The following RRP12 variants were observed in gnomAD, a reference collection of about 807,000 sequenced individuals.
The protein encoded by RRP12 is RRP12-like protein.
In RRP12, 78 loss-of-function variants were observed where a neutral mutation model predicts 157.3. That is an observed-to-expected ratio of 0.50 (90% CI 0.41 to 0.60). The LOEUF (loss-of-function observed/expected upper bound fraction) is 0.60. RRP12 is among the 20% of genes least tolerant of loss of function. RRP12 has a pLI of 0.00. For missense variants in RRP12, 1,521 were observed against 1,679.9 expected, an observed-to-expected ratio of 0.91 and a Z score of 1.65; for synonymous variants, 726 against 670.9, an observed-to-expected ratio of 1.08 and a Z score of -1.27.
At position 97,366,213 on chromosome 10, in the gene RRP12, G is replaced by A. The variant is rs774617555; in HGVS notation, c.3412C>T (p.Arg1138Trp). Residue 1138 changes from arginine to tryptophan, a missense_variant, in exon 29 of 34, where the codon CGG (arginine) becomes TGG (tryptophan). Arg to Trp is a moderately radical substitution (Grantham distance 101). Coordinates refer to ENST00000370992, the MANE Select transcript of RRP12 (RefSeq NM_015179.4). Reference sequence around the variant, plus strand: ...AAGCCGTGGTCCTTCTTCCTGCCCCGGCCTGGCCCTGGCTGCGTGGCTGGG... The same window carrying A: ...AAGCCGTGGTCCTTCTTCCTGCCCCAGCCTGGCCCTGGCTGCGTGGCTGGG... ...RVLATQPGPGRGRKKDHGFKV... is the reference protein window; with the variant it reads ...RVLATQPGPGWGRKKDHGFKV... The A allele has an allele frequency of 6.8e-6, 11 of 1,611,520 alleles. No homozygotes were observed. The highest frequency in any genetic ancestry group is 3.3e-5 in the South Asian group (3 of 91,064).
rs868205391 is a variant in RRP12, at chr10:97,370,091, A to T, written c.2797+76T>A. ...CCAGGCACCTTTTCCCAGTTCCAGG[A>T]GCCACTTTATCCTGACCTTTTGGGC... On this transcript the variant is annotated intron_variant, in intron 24 of 33. Transcript: ENST00000370992. 1.6e-4 allele frequency: 164 copies of T among 1,016,114 alleles called. No individual in the cohort carries two copies. The Middle Eastern group carries it at 2.7e-3, about 17-fold the overall frequency. 62.9% of individuals were successfully genotyped at this position (1,016,114 alleles called of 1,614,324 possible).
intron 13 of RRP12, 99 bp from the exon 14 acceptor site, chr10:97,379,869 G>A: frequency 8.3e-7 from 1 of 1,201,316 alleles, no homozygotes; most frequent in Non-Finnish European, 1.2e-6. Flanking sequence ...CTGGGCCTGG[G>A]TTCAACGCTA....
intron 20 of RRP12, chr10:97,371,475 C>T (rs1462114156): frequency 4.8e-5 from 11 of 228,536 alleles, no homozygotes; most frequent in East Asian, 2.1e-4. Context: ...CAACCCCCAA[C>T]GCCGGACACC....
rs550535608 is a variant in RRP12 at position 97,374,312 on chromosome 10, C to T, written c.1799-418G>A. Among the ~76,000 whole-genome samples, 20 of 152,172 alleles carry T rather than the reference C, an allele frequency of 1.3e-4. No homozygotes were observed. In the East Asian group the frequency reaches 3.1e-3, roughly 24 times the overall value. ...AGCCTCCCAAGAAGCAGACTACAGGCGTGCATGCCACCACACCCACCTAAC... is the reference window on the plus strand; with the variant it reads ...AGCCTCCCAAGAAGCAGACTACAGGTGTGCATGCCACCACACCCACCTAAC... On this transcript the variant is annotated intron_variant, in intron 15 of 33. Coordinates refer to ENST00000370992, the MANE Select transcript of RRP12 (RefSeq NM_015179.4).
Position 97,395,205 on chromosome 10 carries a change from T to TACACACAC in RRP12, c.453+1012_453+1013insGTGTGTGT, listed in dbSNP as rs1377215101. 4.7e-3 allele frequency among the ~76,000 whole-genome samples: 491 copies of TACACACAC among 105,196 alleles called. 2 individuals carry two copies. The highest frequency in any genetic ancestry group is 0.02 in the African/African-American group (475 of 23,198). The allele number at this position is 105,196 out of a possible 152,430, so 69.0% of individuals were successfully genotyped here. A position where few individuals can be genotyped will look rare whatever the true frequency, so the allele number is the denominator to read the frequency against. On this transcript the variant is annotated intron_variant, in intron 3 of 33. Transcript: ENST00000370992. Reference sequence around the variant, plus strand: ...AAAATAAAAAGTATATATATACACATATACACACACACACACACATACATA... The same window carrying TACACACAC: ...AAAATAAAAAGTATATATATACACATACACACACATACACACACACACACACATACATA...
chr10:97,365,766 TAA>T (rs541108198), intron 29 of RRP12: 2,640 of 170,508 alleles, frequency 0.015, no homozygotes, highest in South Asian at 0.036. Flanking sequence ...AAGTTTGCAT[TAA>T]AAAAAAAAAA....
intron 11 of RRP12, 98 bp from the exon 12 acceptor site, chr10:97,381,581 C>T (rs1244665819): frequency 1.6e-6 from 2 of 1,228,788 alleles, no homozygotes; most frequent in East Asian, 2.5e-5. Context: ...AAGAAAGCTT[C>T]GAAGAAACCT....
chr10:97,373,048 G>C lies in RRP12; in HGVS notation c.2179C>G (p.Gln727Glu). The change falls in exon 18 of 34, where the codon CAG becomes GAG. Residue 727 changes from glutamine to glutamate, a missense_variant and splice_region_variant. Transcript: ENST00000370992. ...CTTCCCTCCCTTCCGTGGCTCACCT[G>C]AGTGTCAGTGATGGTGAGGTAAGTT... Reference protein sequence around the residue: ...IRTYLTITDTQLVNSLLEKAS... With the variant: ...IRTYLTITDTELVNSLLEKAS... 6.2e-7 allele frequency: 1 copy of C among 1,610,110 alleles called. No homozygotes were observed. The highest frequency in any genetic ancestry group is 8.5e-7 in the Non-Finnish European group (1 of 1,177,318).
At chr10:97,393,306 A>G in intron 4 of RRP12, 1 of 438,156 alleles carries the variant, frequency 2.3e-6, no homozygotes, top group South Asian at 1.7e-5. Context: ...ACATGGAACC[A>G]GGGAAGCACT....
At chr10:97,368,103 T>A (rs1292905435) in intron 25 of RRP12, among the ~76,000 whole-genome samples, 2 of 149,146 alleles carry the variant, frequency 1.3e-5, no homozygotes, top group Non-Finnish European at 3.0e-5. Context: ...TGGTCTCGGA[T>A]CACTGCAACC....
In RRP12 at chr10:97,379,377, C is replaced by T. The variant is rs751058940; in HGVS notation, c.1714G>A (p.Val572Ile). ...LDFPRSWLLP[V>I]IRDHVQETRL... ...GTTTCCTGAACATGGTCTCGGATGA[C>T]AGGCAGCAGCCAGCTCCGTGGGAAA... is the stretch of plus-strand genomic sequence containing the variant. Residue 572 changes from valine to isoleucine, a missense_variant, in exon 15 of 34, where the codon GTC (valine) becomes ATC (isoleucine). Transcript: ENST00000370992. 5.6e-6 allele frequency: 9 copies of T among 1,614,024 alleles called. No individual in the cohort carries two copies. The highest frequency in any genetic ancestry group is 2.2e-5 in the East Asian group (1 of 44,896).
At chr10:97,370,654 T>C in intron 22 of RRP12, 62 bp downstream of exon 22, 1 of 1,594,432 alleles carries the variant, frequency 6.3e-7, no homozygotes, top group Non-Finnish European at 8.6e-7. Flanking sequence ...CCTCCCTGGA[T>C]CCTGAGGCCC....
rs934350373 is a variant in RRP12, at chr10:97,369,662, C to T, written c.2798-80G>A. The T allele has an allele frequency of 1.6e-5, 22 of 1,413,468 alleles. No individual in the cohort carries two copies. In the Admixed American group the frequency reaches 1.9e-4, roughly 12 times the overall value. The allele number at this position is 1,413,468 out of a possible 1,614,324, so 87.6% of individuals were successfully genotyped here. ...AACCTTCCCCACTGGAAAACAGCCA[C>T]TCAAGTGTCAGTAAAAGCTGACATT... On this transcript the variant is annotated intron_variant, in intron 24 of 33. Coordinates refer to ENST00000370992, the MANE Select transcript of RRP12 (RefSeq NM_015179.4).
intron 25 of RRP12, among the ~76,000 whole-genome samples, chr10:97,368,322 G>A (rs942867332): frequency 1.3e-5 from 2 of 151,218 alleles, no homozygotes; most frequent in East Asian, 1.9e-4. Flanking sequence ...GTGAGCCACC[G>A]CTCCTGGCCT....
At chr10:97,395,873 A>G (rs1844949614) in intron 3 of RRP12, among the ~76,000 whole-genome samples, 1 of 151,496 alleles carries the variant, frequency 6.6e-6, no homozygotes, top group African/African-American at 2.4e-5. Flanking sequence ...AAAAAAAGTA[A>G]TAAGTAGCCA....
intron 6 of RRP12, among the ~76,000 whole-genome samples, chr10:97,389,794 C>A (rs187186105): frequency 1.3e-5 from 2 of 152,104 alleles, no homozygotes; most frequent in African/African-American, 4.8e-5. Flanking sequence ...CTCACTGCAA[C>A]CTCTGCCTGC....
chr10:97,393,732 G>GGGGACTCCA lies in RRP12; in HGVS notation c.473_481dup (p.Ser160_Pro161insLeuGluSer). 6.2e-7 allele frequency: 1 copy of GGGGACTCCA among 1,613,666 alleles called. No homozygotes were observed. The highest frequency in any genetic ancestry group is 8.5e-7 in the Non-Finnish European group (1 of 1,179,734). ...GTAAGCAACGGCGGCCAGGGACTCC[G>GGGGACTCCA]GGGACTCCACTGCTTCCATTGTTGT... On this transcript the variant is annotated inframe_insertion, in exon 4 of 34. Coordinates refer to ENST00000370992, the MANE Select transcript of RRP12 (RefSeq NM_015179.4).
At chr10:97,360,282 T>C (rs1471881257) in intron 31 of RRP12, among the ~76,000 whole-genome samples, 8 of 151,912 alleles carry the variant, frequency 5.3e-5, no homozygotes, top group Non-Finnish European at 1.2e-4. Flanking sequence ...CCTGGGCGGG[T>C]GGGAAGGAGC....
At chr10:97,371,229 C>T (rs537211609) in intron 20 of RRP12, 148 bp from the exon 21 acceptor site, 25 of 835,930 alleles carry the variant, frequency 3.0e-5, no homozygotes, top group Middle Eastern at 3.6e-4. Flanking sequence ...ATGTGGACAG[C>T]GAGTGGCTAA....
Sources: gnomAD v4.1 joint callset for allele counts (sites outside exome capture counted in the v4.1 genomes callset) on GRCh38, gnomAD v4.1.1 for gene constraint, MANE v1.5 for transcripts, NCBI Gene and HGNC (gene_info 2026-07-23, HGNC 2026-07-21) for gene names.